Variants in MACROD2 observed in about 807,000 individuals in gnomAD.
MACROD2 encodes ADP-ribose glycohydrolase MACROD2.
Under a neutral mutation model 70.4 loss-of-function variants are expected in MACROD2, and 36 were observed. The ratio of observed to expected loss-of-function variants is 0.51; its 90% CI spans 0.39 to 0.68. The LOEUF is 0.68. MACROD2 is among the 30% of genes least tolerant of loss of function. The pLI is 0.00. For synonymous variants in MACROD2, 172 were observed against 178.8 expected (o/e 0.96, Z 0.30); for missense variants, 496 against 538.4 (o/e 0.92, Z 0.78).
At chr20:14,367,838 A>G (rs987304041) in intron 3 of MACROD2, among the ~76,000 whole-genome samples, 4 of 152,018 alleles carry the variant, frequency 2.6e-5, no homozygotes, top group African/African-American at 7.2e-5. Context: ...CTCAGCCATT[A>G]TCTTTACAAA....
chr20:15,317,340 G>A (rs546780037), intron 6 of MACROD2, among the ~76,000 whole-genome samples: 1 of 151,782 alleles, frequency 6.6e-6, no homozygotes, highest in African/African-American at 2.4e-5. Context: ...GAGAATATTC[G>A]AACTATTACA....
intron 8 of MACROD2, among the ~76,000 whole-genome samples, chr20:15,551,808 G>A (rs1170835399): frequency 6.8e-6 from 1 of 148,004 alleles, no homozygotes; most frequent in African/African-American, 2.5e-5. Flanking sequence ...GGTCAAGGCT[G>A]CAGTGAGCGG....
chr20:14,044,344 G>T (rs11699029), intron 2 of MACROD2, among the ~76,000 whole-genome samples: 3,527 of 152,234 alleles, frequency 0.023, 55 homozygotes, highest in Non-Finnish European at 0.039. Flanking sequence ...AGGCAGTGTG[G>T]ACCCAAAGAG....
At chr20:15,957,428 T>C (rs2065992804) in intron 12 of MACROD2, among the ~76,000 whole-genome samples, 1 of 152,176 alleles carries the variant, frequency 6.6e-6, no homozygotes, top group Non-Finnish European at 1.5e-5. Context: ...AATAGAGGTT[T>C]ACCTTTAAAG....
chr20:15,757,757 A>G lies in MACROD2; in HGVS notation c.646-104988A>G, dbSNP rs145144230. Among the ~76,000 whole-genome samples the G allele has an allele frequency of 2.4e-3, 364 of 152,192 alleles. 1 individual carries two copies. Among genetic ancestry groups the G allele is most frequent in the Non-Finnish European group, 3.4e-3 (232 of 67,980 alleles). On this transcript the variant is annotated intron_variant, in intron 8 of 17. Coordinates refer to ENST00000684519, the MANE Select transcript of MACROD2 (RefSeq NM_001351661.2). ...TTCAAATAGATAAGAGATAGAGAAGAGAGAGAGAGAAAGAACTCTTACCTC... is the reference window on the plus strand; with the variant it reads ...TTCAAATAGATAAGAGATAGAGAAGGGAGAGAGAGAAAGAACTCTTACCTC...
At chr20:15,605,610 A>G (rs943022178) in intron 8 of MACROD2, among the ~76,000 whole-genome samples, 2 of 152,158 alleles carry the variant, frequency 1.3e-5, no homozygotes, top group African/African-American at 4.8e-5. Flanking sequence ...AGCTAAGAAC[A>G]TGAACTCTGT....
intron 5 of MACROD2, among the ~76,000 whole-genome samples, chr20:14,809,008 T>C: frequency 6.6e-6 from 1 of 152,066 alleles, no homozygotes; most frequent in East Asian, 1.9e-4. Flanking sequence ...AACACCCCAC[T>C]GTCAATATTA....
intron 8 of MACROD2, among the ~76,000 whole-genome samples, chr20:15,787,447 A>G (rs982969218): frequency 2.6e-5 from 4 of 152,040 alleles, no homozygotes; most frequent in Admixed American, 2.6e-4. Flanking sequence ...GTAGTTTTTC[A>G]ACTCTTGCTT....
intron 8 of MACROD2, among the ~76,000 whole-genome samples, chr20:15,566,094 T>A (rs1176033843): frequency 6.6e-6 from 1 of 152,212 alleles, no homozygotes; most frequent in Non-Finnish European, 1.5e-5. Flanking sequence ...AAAAAAATCA[T>A]TAATTTAAAA....
intron 5 of MACROD2, among the ~76,000 whole-genome samples, chr20:14,707,095 A>G (rs2071278400): frequency 6.6e-6 from 1 of 152,158 alleles, no homozygotes; most frequent in South Asian, 2.1e-4. Flanking sequence ...CAGATTTTAT[A>G]AAATTGTTTA....
chr20:14,044,814 T>C (rs985022085), intron 2 of MACROD2, among the ~76,000 whole-genome samples: 6 of 152,230 alleles, frequency 3.9e-5, no homozygotes, highest in African/African-American at 7.2e-5. Context: ...CTGCCACTTC[T>C]GTGCTGTGTG....
chr20:15,587,334 G>A (rs1402143426), intron 8 of MACROD2, among the ~76,000 whole-genome samples: 1 of 152,120 alleles, frequency 6.6e-6, no homozygotes, highest in African/African-American at 2.4e-5. Flanking sequence ...CAACACGTGG[G>A]AATTCTGAGA....
At chr20:15,961,164 G>T (rs2066054998) in intron 12 of MACROD2, among the ~76,000 whole-genome samples, 1 of 152,030 alleles carries the variant, frequency 6.6e-6, no homozygotes, top group African/African-American at 2.4e-5. Flanking sequence ...GAAAATTGAA[G>T]AAAGAAAAAA....
intron 3 of MACROD2, among the ~76,000 whole-genome samples, chr20:14,230,315 G>C (rs190240122): frequency 2.0e-5 from 3 of 152,036 alleles, no homozygotes. Flanking sequence ...AAACAGTACC[G>C]CTGCTTTATC....
At chr20:14,860,518 C>T (rs1030764487) in intron 5 of MACROD2, among the ~76,000 whole-genome samples, 4 of 152,098 alleles carry the variant, frequency 2.6e-5, no homozygotes, top group African/African-American at 7.2e-5. Context: ...ACCTCCCTCC[C>T]GGCTGGAACC....
rs540664767 is a variant in MACROD2, at chr20:14,990,589, C to T, written c.419-239351C>T. 5.3e-5 allele frequency among the ~76,000 whole-genome samples: 8 copies of T among 150,120 alleles called. No individual in the cohort carries two copies. The East Asian group carries it at 1.6e-3, about 30-fold the overall frequency. Reference sequence around the variant, plus strand: ...AGTGCAATGGCGCGATCTCGACTCACTGAAACCTCTGCCTCTCAGGTTGAA... The same window carrying T: ...AGTGCAATGGCGCGATCTCGACTCATTGAAACCTCTGCCTCTCAGGTTGAA... On this transcript the variant is annotated intron_variant, in intron 5 of 17. Coordinates refer to ENST00000684519, the MANE Select transcript of MACROD2 (RefSeq NM_001351661.2).
chr20:14,438,592 A>C (rs1023156491), intron 3 of MACROD2, among the ~76,000 whole-genome samples: 2 of 152,052 alleles, frequency 1.3e-5, no homozygotes, highest in African/African-American at 4.8e-5. Context: ...TTGTTTTTTG[A>C]TAACAGTCAT....
At position 14,875,607 on chromosome 20, in the gene MACROD2, A is replaced by G. The variant is rs371198667; in HGVS notation, c.418+190648A>G. 9.9e-4 allele frequency among the ~76,000 whole-genome samples: 150 copies of G among 152,162 alleles called. 2 individuals carry two copies. Among genetic ancestry groups the G allele is most frequent in the African/African-American group, 3.3e-3 (136 of 41,526 alleles). ...CACCCAAGTAGTGAGCTTAGTACCC[A>G]ATAGGTAGTTTTTCAGCCTTTACTC... On this transcript the variant is annotated intron_variant, in intron 5 of 17. Transcript: ENST00000684519.
intron 5 of MACROD2, among the ~76,000 whole-genome samples, chr20:14,815,496 T>G (rs537089964): frequency 2.0e-5 from 3 of 152,188 alleles, no homozygotes; most frequent in Admixed American, 2.0e-4. Flanking sequence ...TGTGTGGGTG[T>G]GTGTGTGTGT....
Sources: allele counts gnomAD v4.1 joint callset (sites outside exome capture counted in the v4.1 genomes callset), GRCh38; gene constraint gnomAD v4.1.1; transcripts MANE v1.5; gene names NCBI Gene and HGNC (gene_info 2026-07-23, HGNC 2026-07-21).